LRP1B: variants seen among roughly 807,000 people sequenced by gnomAD.
LRP1B encodes the protein low-density lipoprotein receptor-related protein 1B.
In LRP1B, 217 loss-of-function variants were observed where a neutral mutation model predicts 556.6. That is an observed-to-expected ratio of 0.39 (90% CI 0.35 to 0.44). The LOEUF is 0.44. Ranked by LOEUF, LRP1B falls within the 20% of genes least tolerant of loss-of-function variation. The probability of loss-of-function intolerance (pLI) is 1.00; values close to 1 mark genes in which losing one functional copy is unlikely to be tolerated. For synonymous variants in LRP1B, 2,047 were observed against 1,865.8 expected, an observed-to-expected ratio of 1.10 and a Z score of -2.50; for missense variants, 5,053 against 5,620.8, an observed-to-expected ratio of 0.90 and a Z score of 3.23.
intron 35 of LRP1B, among the ~76,000 whole-genome samples, chr2:140,719,412 TAAA>T (rs34533464): frequency 5.3e-5 from 8 of 150,712 alleles, no homozygotes; most frequent in South Asian, 4.2e-4. Flanking sequence ...ATCTTTACAA[TAAA>T]AAAAAAAAGG....
chr2:141,054,156 C>G (rs1310556780), intron 10 of LRP1B, among the ~76,000 whole-genome samples: 1 of 151,994 alleles, frequency 6.6e-6, no homozygotes, highest in Non-Finnish European at 1.5e-5. Flanking sequence ...ACTTCAAATT[C>G]TAACACATTT....
chr2:141,247,332 A>G lies in LRP1B; in HGVS notation c.486T>C (p.Tyr162=). The change falls in exon 5 of 91, where the codon TAT becomes TAC. Residue 162 remains tyrosine (Y), a synonymous_variant. Transcript: ENST00000389484. The part of the protein sequence containing the change: ...SCKDQDECAV[Y]GTCSQTCRNT... ...TTCTGCAGGTCTGGCTGCATGTACC[A>G]TAAACAGCACATTCATCTTGATCTA... is the stretch of plus-strand genomic sequence containing the variant. 1 of 1,613,776 alleles carries G rather than the reference A, an allele frequency of 6.2e-7. No individual in the cohort carries two copies. Among genetic ancestry groups the G allele is most frequent in the Non-Finnish European group, 8.5e-7 (1 of 1,179,750 alleles).
intron 3 of LRP1B, among the ~76,000 whole-genome samples, chr2:141,337,231 G>A (rs1047800328): frequency 6.6e-6 from 1 of 152,030 alleles, no homozygotes; most frequent in Admixed American, 6.6e-5. Flanking sequence ...TCTTACCTTA[G>A]CAAGCCTAAT....
At chr2:140,255,093 A>C (rs1006578868) in intron 86 of LRP1B, among the ~76,000 whole-genome samples, 1 of 152,196 alleles carries the variant, frequency 6.6e-6, no homozygotes, top group African/African-American at 2.4e-5. Flanking sequence ...AAGCTTCAGT[A>C]TGAATTAACA....
intron 1 of LRP1B, among the ~76,000 whole-genome samples, chr2:142,079,846 T>C (rs749129312): frequency 6.6e-6 from 1 of 152,188 alleles, no homozygotes; most frequent in South Asian, 2.1e-4. Context: ...AGATATCTTA[T>C]GTTTTAATTT....
chr2:141,613,011 G>C (rs759145080), intron 2 of LRP1B, among the ~76,000 whole-genome samples: 32 of 151,076 alleles, frequency 2.1e-4, no homozygotes, highest in Non-Finnish European at 2.4e-4. Flanking sequence ...GGGTTTCACC[G>C]TGTTAGCCAG....
intron 41 of LRP1B, among the ~76,000 whole-genome samples, chr2:140,623,139 T>C (rs1559012509): frequency 6.6e-6 from 1 of 152,204 alleles, no homozygotes; most frequent in Non-Finnish European, 1.5e-5. Flanking sequence ...CTTTGGCATC[T>C]CCAGGTTTCT....
chr2:141,895,822 G>T (rs879594766), intron 1 of LRP1B, among the ~76,000 whole-genome samples: 2 of 151,972 alleles, frequency 1.3e-5, no homozygotes, highest in African/African-American at 4.8e-5. Context: ...AGAATCTTTG[G>T]TTTTTTTCTT....
intron 2 of LRP1B, among the ~76,000 whole-genome samples, chr2:141,783,912 C>T (rs1695341086): frequency 6.6e-6 from 1 of 151,624 alleles, no homozygotes; most frequent in Non-Finnish European, 1.5e-5. Context: ...ATATATTAGA[C>T]AAGTATTTAC....
At chr2:140,959,379 T>G (rs970826775) in intron 18 of LRP1B, among the ~76,000 whole-genome samples, 1 of 151,552 alleles carries the variant, frequency 6.6e-6, no homozygotes, top group Non-Finnish European at 1.5e-5. Flanking sequence ...GCATTTTCTG[T>G]TTTTTTAATA....
intron 18 of LRP1B, among the ~76,000 whole-genome samples, chr2:140,973,292 AT>A (rs1205779499): frequency 6.6e-6 from 1 of 151,902 alleles, no homozygotes; most frequent in Admixed American, 6.6e-5. Context: ...TGTTACTATG[AT>A]TTGGTTAAAG....
At chr2:141,982,338 T>A (rs1254129343) in intron 1 of LRP1B, among the ~76,000 whole-genome samples, 2 of 152,188 alleles carry the variant, frequency 1.3e-5, no homozygotes, top group African/African-American at 2.4e-5. Flanking sequence ...AAAACATGTA[T>A]TATGCAGATC....
chr2:140,475,426 C>T (rs1367843074), intron 59 of LRP1B, 89 bp from the exon 60 acceptor site: 12 of 905,844 alleles, frequency 1.3e-5, no homozygotes, highest in Non-Finnish European at 1.9e-5. Flanking sequence ...TCAACTGTTC[C>T]CACATTAATC....
chr2:141,045,891 G>A (rs1022049969), intron 11 of LRP1B, among the ~76,000 whole-genome samples: 3 of 152,042 alleles, frequency 2.0e-5, no homozygotes, highest in Non-Finnish European at 4.4e-5. Context: ...TCGTCTTTAT[G>A]GAAGTTTATC....
At chr2:141,235,586 G>A (rs9287314) in intron 5 of LRP1B, among the ~76,000 whole-genome samples, 12,703 of 152,012 alleles carry the variant, frequency 0.084, 558 homozygotes, top group South Asian at 0.11. Flanking sequence ...TTTGACAAAA[G>A]TACAGATGTG....
chr2:140,632,691 T>C (rs746779502), intron 41 of LRP1B, among the ~76,000 whole-genome samples: 14 of 152,178 alleles, frequency 9.2e-5, no homozygotes, highest in Admixed American at 3.3e-4. Context: ...ATGGTTTAGA[T>C]ACACCAATTA....
At chr2:141,990,849 A>G (rs1574567875) in intron 1 of LRP1B, among the ~76,000 whole-genome samples, 1 of 152,166 alleles carries the variant, frequency 6.6e-6, no homozygotes, top group East Asian at 1.9e-4. Context: ...TCTTTTAATA[A>G]TAGCACATTT....
chr2:140,975,781 ATAT>A, intron 18 of LRP1B, among the ~76,000 whole-genome samples: 1 of 152,192 alleles, frequency 6.6e-6, no homozygotes, highest in Non-Finnish European at 1.5e-5. Context: ...AAAATAAAAA[ATAT>A]TATACTTAAT....
chr2:141,786,597 G>T (rs2105651325), intron 2 of LRP1B, among the ~76,000 whole-genome samples: 1 of 151,920 alleles, frequency 6.6e-6, no homozygotes, highest in South Asian at 2.1e-4. Context: ...ACAGATAATT[G>T]TGTTTCTTTC....
Sources: allele counts gnomAD v4.1 joint callset (sites outside exome capture counted in the v4.1 genomes callset), GRCh38; gene constraint gnomAD v4.1.1; transcripts MANE v1.5; gene names NCBI Gene and HGNC (gene_info 2026-07-23, HGNC 2026-07-21).